The following MIB1 variants were observed in gnomAD, a reference collection of about 807,000 sequenced individuals.
MIB1 encodes MIB E3 ubiquitin protein ligase 1, also known as E3 ubiquitin-protein ligase MIB1.
A neutral mutation model predicts 124.5 loss-of-function variants in MIB1; 278 were observed. The ratio of observed to expected loss-of-function variants is 2.23; its 90% CI spans 2.02 to 2.47. The LOEUF is 2.47. Ranked by LOEUF, MIB1 falls within the 30% of genes most tolerant of loss-of-function variation. The pLI is 0.00. For synonymous variants in MIB1, 446 were observed against 429.4 expected (o/e 1.04, Z -0.48); for missense variants, 957 against 1,254.4 (o/e 0.76, Z 3.58).
chr18:21,790,648 ATGTC>A (rs1481684969), intron 6 of MIB1, among the ~76,000 whole-genome samples: 2 of 152,214 alleles, frequency 1.3e-5, no homozygotes, highest in Admixed American at 6.5e-5. Context: ...TATTGATAGA[ATGTC>A]TGTAAGGACA....
At chr18:21,838,940 T>C (rs1217908814) in intron 13 of MIB1, among the ~76,000 whole-genome samples, 1 of 152,202 alleles carries the variant, frequency 6.6e-6, no homozygotes, top group East Asian at 1.9e-4. Context: ...CCCTGGAATT[T>C]ATGGCTCGAT....
intron 1 of MIB1, among the ~76,000 whole-genome samples, chr18:21,749,040 C>T (rs1446853527): frequency 6.6e-6 from 1 of 152,094 alleles, no homozygotes; most frequent in African/African-American, 2.4e-5. Flanking sequence ...CTGAGCCCTG[C>T]TTGTTTCTTT....
chr18:21,792,495 G>C (rs1032212356), intron 7 of MIB1, among the ~76,000 whole-genome samples: 18 of 151,946 alleles, frequency 1.2e-4, no homozygotes, highest in African/African-American at 3.9e-4. Context: ...CCCTCCATTA[G>C]CCCTTCTGTC....
At chr18:21,861,530 T>C (rs576097350) in intron 20 of MIB1, among the ~76,000 whole-genome samples, 1 of 152,180 alleles carries the variant, frequency 6.6e-6, no homozygotes, top group South Asian at 2.1e-4. Context: ...TACCCAAGTT[T>C]ATACTTTCTT....
chr18:21,711,254 C>G (rs963519505), intron 1 of MIB1, among the ~76,000 whole-genome samples: 1 of 152,088 alleles, frequency 6.6e-6, no homozygotes, highest in African/African-American at 2.4e-5. Flanking sequence ...AAAGATTTTC[C>G]AGACCCCACA....
intron 1 of MIB1, among the ~76,000 whole-genome samples, chr18:21,742,212 A>G (rs867861417): frequency 4.0e-5 from 6 of 151,064 alleles, no homozygotes; most frequent in African/African-American, 4.9e-5. Flanking sequence ...GCTTTGCCAT[A>G]TGGTGCTCAG....
chr18:21,725,606 T>A (rs189135766), intron 1 of MIB1, among the ~76,000 whole-genome samples: 130 of 152,348 alleles, frequency 8.5e-4, no homozygotes, highest in African/African-American at 3.1e-3. Flanking sequence ...TGGAGTCATT[T>A]GAGACTATCT....
At chr18:21,826,420 C>T (rs570941529) in intron 12 of MIB1, 1 of 152,146 alleles carries the variant, frequency 6.6e-6, no homozygotes, top group East Asian at 1.9e-4. Flanking sequence ...GCCAGTTTTT[C>T]TTTGTTTTTG....
At chr18:21,833,576 C>G (rs1340872803) in intron 12 of MIB1, among the ~76,000 whole-genome samples, 1 of 152,166 alleles carries the variant, frequency 6.6e-6, no homozygotes, top group Non-Finnish European at 1.5e-5. Flanking sequence ...TTAAGTAGTA[C>G]TAACATGTAA....
intron 1 of MIB1, among the ~76,000 whole-genome samples, chr18:21,759,530 C>G (rs567121452): frequency 7.2e-5 from 11 of 152,048 alleles, no homozygotes; most frequent in African/African-American, 2.7e-4. Flanking sequence ...TGTGAGCCAC[C>G]GTGCCTGGCC....
chr18:21,836,316 T>C (rs2042031862), intron 12 of MIB1, among the ~76,000 whole-genome samples: 1 of 149,214 alleles, frequency 6.7e-6, no homozygotes. Context: ...CTCAGTCGCC[T>C]GGGCTGGAGT....
At chr18:21,828,672 T>C (rs2041949472) in intron 12 of MIB1, 1 of 188,722 alleles carries the variant, frequency 5.3e-6, no homozygotes. Flanking sequence ...CATTCTTTTG[T>C]GCTAGTAATA....
chr18:21,759,231 A>G (rs1011236629), intron 1 of MIB1, among the ~76,000 whole-genome samples: 18 of 149,616 alleles, frequency 1.2e-4, no homozygotes, highest in East Asian at 2.0e-4. Flanking sequence ...ATATATGTGT[A>G]TATATATATA....
rs1188134166 is a variant in MIB1, at chr18:21,866,706, A to G, written c.*2040A>G. On this transcript the variant is annotated 3_prime_UTR_variant, in exon 21 of 21. Transcript: ENST00000261537. ...TGCTAAAACAGATCCCTAAAAGGTA[A>G]TAGCATCTTCCAGACTAGTTTAATT... The G allele has an allele frequency of 6.6e-6, 1 of 152,230 alleles. No homozygotes were observed. The highest frequency in any genetic ancestry group is 1.5e-5 in the Non-Finnish European group (1 of 68,032). 9.4% of individuals were successfully genotyped at this position (152,230 alleles called of 1,614,324 possible). A position where few individuals can be genotyped will look rare whatever the true frequency, so the allele number is the denominator to read the frequency against.
At chr18:21,715,148 A>G (rs1186514605) in intron 1 of MIB1, among the ~76,000 whole-genome samples, 1 of 152,230 alleles carries the variant, frequency 6.6e-6, no homozygotes. Flanking sequence ...CTGTGCTGGT[A>G]TCCACAGCTG....
rs1275348653 is a variant in MIB1, at chr18:21,741,392, C to G, written c.-192C>G. ...CTCCGAGCGGGGGGCGCGGCGGCGA[C>G]AGCTGGGCAGCGGCTTTGGGCTCCG... On this transcript the variant is annotated 5_prime_UTR_variant, in exon 1 of 21. Coordinates refer to ENST00000261537, the MANE Select transcript of MIB1 (RefSeq NM_020774.4). The surrounding 1 kb of genome is among the most constrained non-coding windows in gnomAD (Gnocchi z 5.4). The G allele has an allele frequency of 4.3e-6, 1 of 235,068 alleles. No individual in the cohort carries two copies. The highest frequency in any genetic ancestry group is 2.3e-5 in the African/African-American group (1 of 43,566). 14.6% of individuals were successfully genotyped at this position (235,068 alleles called of 1,614,324 possible). A position where few individuals can be genotyped will look rare whatever the true frequency, so the allele number is the denominator to read the frequency against.
chr18:21,796,452 GC>G (rs2041582001), intron 7 of MIB1, among the ~76,000 whole-genome samples: 1 of 152,056 alleles, frequency 6.6e-6, no homozygotes, highest in South Asian at 2.1e-4. Flanking sequence ...TGCATGCGGG[GC>G]CTAAAACCTA....
Position 21,857,259 on chromosome 18 carries a change from T to G in MIB1, c.2779+16T>G. The G allele has an allele frequency of 6.3e-7, 1 of 1,583,764 alleles. No homozygotes were observed. Among genetic ancestry groups the G allele is most frequent in the Non-Finnish European group, 8.7e-7 (1 of 1,152,436 alleles). On this transcript the variant is annotated intron_variant, in intron 19 of 20. Transcript: ENST00000261537. Reference sequence around the variant, plus strand: ...GATGATATCTGTAAGTCGATTGTCTTAAGCATTTTCATATTTTGCTTTTTT... The same window carrying G: ...GATGATATCTGTAAGTCGATTGTCTGAAGCATTTTCATATTTTGCTTTTTT...
intron 12 of MIB1, among the ~76,000 whole-genome samples, chr18:21,834,306 A>T (rs991926197): frequency 2.6e-5 from 4 of 151,146 alleles, no homozygotes; most frequent in Non-Finnish European, 5.9e-5. Flanking sequence ...CTGTATTATT[A>T]TTTTTTTTTG....
Sources: allele counts gnomAD v4.1 joint callset (sites outside exome capture counted in the v4.1 genomes callset), GRCh38; gene constraint gnomAD v4.1.1; non-coding constraint Gnocchi (gnomAD v3.1); transcripts MANE v1.5; gene names NCBI Gene and HGNC (gene_info 2026-07-23, HGNC 2026-07-21).